The following COL22A1 variants were observed in gnomAD, a reference collection of about 807,000 sequenced individuals.
The protein encoded by COL22A1 is collagen type XXII alpha 1 chain, also known as collagen alpha-1(XXII) chain.
Under a neutral mutation model 248.9 loss-of-function variants are expected in COL22A1, and 221 were observed. That is an observed-to-expected ratio of 0.89 (90% CI 0.80 to 0.99). COL22A1 has a LOEUF of 0.99. COL22A1 is among the 50% of genes least tolerant of loss of function. The pLI is 0.00. For missense variants in COL22A1, 2,240 were observed against 2,179.0 expected, an observed-to-expected ratio of 1.03 and a Z score of -0.56; for synonymous variants, 891 against 793.4, an observed-to-expected ratio of 1.12 and a Z score of -2.07.
chr8:138,627,919 G>A (rs4445228), intron 50 of COL22A1, among the ~76,000 whole-genome samples: 2,210 of 152,248 alleles, frequency 0.015, 52 homozygotes, highest in African/African-American at 0.05. Flanking sequence ...AGTTAAGTCA[G>A]AGTTTTGAAG....
chr8:138,890,917 G>A (rs1385817094), intron 1 of COL22A1, among the ~76,000 whole-genome samples: 2 of 151,868 alleles, frequency 1.3e-5, no homozygotes, highest in African/African-American at 2.4e-5. Context: ...CAGCTACTCA[G>A]GAGGCTGAGG....
chr8:138,642,758 C>T (rs1024021594), intron 47 of COL22A1, among the ~76,000 whole-genome samples: 10 of 152,236 alleles, frequency 6.6e-5, no homozygotes, highest in Admixed American at 2.0e-4. Flanking sequence ...TAGCCGGGTG[C>T]GGTGGCTCAT....
At chr8:138,799,687 A>G (rs187856391) in intron 11 of COL22A1, among the ~76,000 whole-genome samples, 138 of 152,198 alleles carry the variant, frequency 9.1e-4, no homozygotes, top group Non-Finnish European at 1.6e-3. Flanking sequence ...CTGACATTCA[A>G]TCCAGCTCTT....
At chr8:138,898,873 C>A (rs1276704723) in intron 1 of COL22A1, among the ~76,000 whole-genome samples, 2 of 152,152 alleles carry the variant, frequency 1.3e-5, no homozygotes, top group East Asian at 3.9e-4. Flanking sequence ...TCCTTGCTCT[C>A]TTGTTTCCCT....
At chr8:138,815,068 G>A (rs555091728) in intron 7 of COL22A1, among the ~76,000 whole-genome samples, 112 of 152,216 alleles carry the variant, frequency 7.4e-4, no homozygotes, top group Non-Finnish European at 9.4e-4. Context: ...CCTTGCACAC[G>A]CTTTCTCTTG....
At chr8:138,765,444 G>A (rs755560438) in intron 16 of COL22A1, among the ~76,000 whole-genome samples, 1 of 152,198 alleles carries the variant, frequency 6.6e-6, no homozygotes, top group African/African-American at 2.4e-5. Context: ...TTCCAGTCCT[G>A]AGTGCACTTC....
intron 3 of COL22A1, among the ~76,000 whole-genome samples, chr8:138,864,994 C>A (rs1822753311): frequency 6.6e-6 from 1 of 152,186 alleles, no homozygotes; most frequent in Non-Finnish European, 1.5e-5. Flanking sequence ...TACCTTCCAC[C>A]CCTTCAGCCA....
intron 62 of COL22A1, among the ~76,000 whole-genome samples, chr8:138,596,479 C>A (rs1817547416): frequency 6.6e-6 from 1 of 152,322 alleles, no homozygotes; most frequent in Non-Finnish European, 1.5e-5. Context: ...CCTGCTGTGA[C>A]AAATAAAATT....
chr8:138,703,471 G>C, intron 30 of COL22A1, 124 bp from the exon 31 acceptor site: 2 of 801,308 alleles, frequency 2.5e-6, no homozygotes, highest in Non-Finnish European at 4.2e-6. Flanking sequence ...CAGGGTGCAG[G>C]TAGGTGCACC....
At chr8:138,646,060 C>T (rs889383203) in intron 47 of COL22A1, among the ~76,000 whole-genome samples, 6 of 152,148 alleles carry the variant, frequency 3.9e-5, no homozygotes, top group African/African-American at 1.4e-4. Flanking sequence ...GTTTTGACAG[C>T]CAGAGAGCTT....
At chr8:138,641,883 A>G (rs1210569244) in intron 47 of COL22A1, among the ~76,000 whole-genome samples, 2 of 152,212 alleles carry the variant, frequency 1.3e-5, no homozygotes, top group Non-Finnish European at 2.9e-5. Context: ...TAGTGGAGAT[A>G]CTGTTTGATA....
At chr8:138,898,141 T>G (rs1814265113) in intron 1 of COL22A1, among the ~76,000 whole-genome samples, 1 of 152,166 alleles carries the variant, frequency 6.6e-6, no homozygotes, top group South Asian at 2.1e-4. Flanking sequence ...AGGAATTAGA[T>G]TTCAATATAT....
intron 1 of COL22A1, among the ~76,000 whole-genome samples, chr8:138,910,037 G>T (rs189523968): frequency 6.6e-6 from 1 of 152,178 alleles, no homozygotes; most frequent in Admixed American, 6.5e-5. Context: ...TGGTCCATCC[G>T]CTTGCAGGAA....
Position 138,648,808 on chromosome 8 carries a change from G to A in COL22A1, c.3447+857C>T, listed in dbSNP as rs116644234. On this transcript the variant is annotated intron_variant, in intron 46 of 64. Transcript: ENST00000303045. ...AGACGGAGGGCCATCTGAATTACCA[G>A]GTGAATCTAAGATGAACGTATGTGA... Among the ~76,000 whole-genome samples, 903 of 152,296 alleles carry A rather than the reference G, an allele frequency of 5.9e-3. 8 individuals are homozygous for A. The highest frequency in any genetic ancestry group is 0.021 in the African/African-American group (857 of 41,572).
At chr8:138,753,780 A>G (rs748017954) in intron 21 of COL22A1, among the ~76,000 whole-genome samples, 1 of 152,192 alleles carries the variant, frequency 6.6e-6, no homozygotes, top group Non-Finnish European at 1.5e-5. Context: ...ATTTACTGTA[A>G]CAAAATCTAG....
intron 41 of COL22A1, among the ~76,000 whole-genome samples, chr8:138,676,124 C>T (rs927872126): frequency 2.0e-5 from 3 of 151,964 alleles, no homozygotes; most frequent in Non-Finnish European, 4.4e-5. Flanking sequence ...TTAGAACTAG[C>T]GGTGGCTCAC....
intron 1 of COL22A1, among the ~76,000 whole-genome samples, chr8:138,890,257 A>G (rs555939535): frequency 2.3e-4 from 35 of 152,362 alleles, no homozygotes; most frequent in Non-Finnish European, 4.0e-4. Context: ...CCATCTATGA[A>G]AAATTCACAG....
At chr8:138,755,260 G>A (rs750794994) in intron 20 of COL22A1, 50 bp from the exon 21 acceptor site, 1 of 1,571,920 alleles carries the variant, frequency 6.4e-7, no homozygotes, top group African/African-American at 1.4e-5. Context: ...TCCCCCATAT[G>A]ATCAGGCCCA....
chr8:138,854,075 T>A (rs1323234206), intron 3 of COL22A1, among the ~76,000 whole-genome samples: 1 of 152,184 alleles, frequency 6.6e-6, no homozygotes, highest in East Asian at 1.9e-4. Flanking sequence ...GACTGTCACA[T>A]GGCAGATGAG....
Sources: gnomAD v4.1 joint callset for allele counts (sites outside exome capture counted in the v4.1 genomes callset) on GRCh38, gnomAD v4.1.1 for gene constraint, MANE v1.5 for transcripts, NCBI Gene and HGNC (gene_info 2026-07-23, HGNC 2026-07-21) for gene names.